Variants in GSG1L observed in about 807,000 individuals in gnomAD.
GSG1L encodes the protein germ cell-specific gene 1-like protein.
Under a neutral mutation model 42.1 loss-of-function variants are expected in GSG1L, and 24 were observed. The ratio of observed to expected loss-of-function variants is 0.57; its 90% CI spans 0.41 to 0.80. The LOEUF is 0.80. GSG1L is among the 30% of genes least tolerant of loss of function. The pLI is 0.00. For synonymous variants in GSG1L, 215 were observed against 203.5 expected (o/e 1.06, Z -0.48); for missense variants, 445 against 472.2 (o/e 0.94, Z 0.53).
At chr16:28,056,608 TAAAGTA>T (rs1244457363) in intron 1 of GSG1L, among the ~76,000 whole-genome samples, 1 of 151,682 alleles carries the variant, frequency 6.6e-6, no homozygotes, top group African/African-American at 2.4e-5. Context: ...CCCTAGAACT[TAAAGTA>T]TAATAAAAAA....
intron 2 of GSG1L, among the ~76,000 whole-genome samples, chr16:27,888,561 TTCTTTCTTTCTTTC>T (rs2084082382): frequency 1.3e-5 from 1 of 78,942 alleles, no homozygotes; most frequent in Non-Finnish European, 2.5e-5. Flanking sequence ...CTTTCTTTCT[TTCTTTCTTTCTTTC>T]TTTCTTTCTC....
intron 3 of GSG1L, among the ~76,000 whole-genome samples, chr16:27,852,899 A>G (rs2083531764): frequency 6.6e-6 from 1 of 151,964 alleles, no homozygotes; most frequent in Admixed American, 6.6e-5. Flanking sequence ...GGGCGCTGAG[A>G]TGCTGGAGGC....
rs899450756 is a variant in GSG1L, at chr16:27,946,503, C to T, written c.397+16653G>A. Among the ~76,000 whole-genome samples, 7 of 147,924 alleles carry T rather than the reference C, an allele frequency of 4.7e-5. No homozygotes were observed. In the East Asian group the frequency reaches 1.4e-3, roughly 30 times the overall value. On this transcript the variant is annotated intron_variant, in intron 2 of 6. Transcript: ENST00000447459. ...GAGGTTGCAGTGAGCCGAAACTGTG[C>T]CATTGCACTCCAGCCTGGGCCACAG...
At chr16:27,900,941 A>C (rs2084249906) in intron 2 of GSG1L, among the ~76,000 whole-genome samples, 1 of 152,136 alleles carries the variant, frequency 6.6e-6, no homozygotes, top group African/African-American at 2.4e-5. Flanking sequence ...CAGCCTGGCC[A>C]AAATGATGAA....
intron 1 of GSG1L, among the ~76,000 whole-genome samples, chr16:27,993,047 G>A (rs969719899): frequency 3.3e-5 from 5 of 152,218 alleles, no homozygotes; most frequent in African/African-American, 1.2e-4. Flanking sequence ...AAGAGGTACT[G>A]TTATTATGCC....
At chr16:27,841,663 T>C (rs2083382921) in intron 4 of GSG1L, among the ~76,000 whole-genome samples, 1 of 152,176 alleles carries the variant, frequency 6.6e-6, no homozygotes, top group South Asian at 2.1e-4. Context: ...ACGGGGCTGA[T>C]CCATCTTGCA....
intron 2 of GSG1L, among the ~76,000 whole-genome samples, chr16:27,903,233 C>T (rs956891157): frequency 2.0e-5 from 3 of 152,072 alleles, no homozygotes; most frequent in Admixed American, 6.5e-5. Context: ...GCTACTTGAT[C>T]CCCAGGCAGC....
chr16:27,815,425 T>C (rs72780173), intron 5 of GSG1L, among the ~76,000 whole-genome samples: 5,434 of 152,284 alleles, frequency 0.036, 195 homozygotes, highest in South Asian at 0.1. Flanking sequence ...CCATGCTTCT[T>C]GTAGAGCCTG....
At chr16:27,820,436 A>C (rs1244780269) in intron 5 of GSG1L, among the ~76,000 whole-genome samples, 1 of 150,792 alleles carries the variant, frequency 6.6e-6, no homozygotes, top group African/African-American at 2.4e-5. Context: ...TCGTGGAGTG[A>C]GGGGGTGGGA....
intron 2 of GSG1L, among the ~76,000 whole-genome samples, chr16:27,938,562 C>T (rs925216510): frequency 2.6e-5 from 4 of 152,116 alleles, no homozygotes; most frequent in Non-Finnish European, 5.9e-5. Context: ...AAAAGCTGTC[C>T]AGGCAGCAGG....
chr16:28,056,371 A>T (rs1433171509), intron 1 of GSG1L, among the ~76,000 whole-genome samples: 1 of 151,026 alleles, frequency 6.6e-6, no homozygotes, highest in Non-Finnish European at 1.5e-5. Flanking sequence ...TATCGCAAGG[A>T]CAAAAAACCA....
At chr16:27,900,822 TAAA>T (rs58590954) in intron 2 of GSG1L, among the ~76,000 whole-genome samples, 6 of 147,316 alleles carry the variant, frequency 4.1e-5, no homozygotes, top group African/African-American at 1.5e-4. Flanking sequence ...ATCAAAACAT[TAAA>T]AAAAAAAAAA....
At chr16:27,987,945 CAAAAAAAAAAA>C (rs56395297) in intron 1 of GSG1L, among the ~76,000 whole-genome samples, 1 of 92,864 alleles carries the variant, frequency 1.1e-5, no homozygotes, top group East Asian at 3.7e-4. Flanking sequence ...GACTCCGTCT[CAAAAAAAAAAA>C]AAAAAAAAAA....
chr16:27,917,810 C>T (rs2084476080), intron 2 of GSG1L, among the ~76,000 whole-genome samples: 1 of 152,170 alleles, frequency 6.6e-6, no homozygotes, highest in East Asian at 1.9e-4. Context: ...GCAGATCTGG[C>T]TTCGGGCACA....
At chr16:27,922,975 A>T (rs2084544370) in intron 2 of GSG1L, among the ~76,000 whole-genome samples, 1 of 151,994 alleles carries the variant, frequency 6.6e-6, no homozygotes, top group Non-Finnish European at 1.5e-5. Context: ...TTTTGTAGAG[A>T]AGGAGTTTCA....
intron 6 of GSG1L, among the ~76,000 whole-genome samples, chr16:27,793,133 T>C (rs1233509590): frequency 6.6e-6 from 1 of 152,240 alleles, no homozygotes; most frequent in Non-Finnish European, 1.5e-5. Flanking sequence ...CCTACTTGCA[T>C]GCCTCTAAGG....
Position 28,022,069 on chromosome 16 carries a change from A to G in GSG1L, c.349+41007T>C, listed in dbSNP as rs537532790. The stretch of plus-strand genomic sequence containing the variant: ...AAAACCAAATAGGCAAAATTATACT[A>G]TATAATATGTTTAGGGTTGTAGGCT... On this transcript the variant is annotated intron_variant, in intron 1 of 6. Coordinates refer to ENST00000447459, the MANE Select transcript of GSG1L (RefSeq NM_001109763.2). 2.0e-5 allele frequency among the ~76,000 whole-genome samples: 3 copies of G among 152,290 alleles called. No homozygotes were observed. In the East Asian group the frequency reaches 5.8e-4, roughly 29 times the overall value.
intron 1 of GSG1L, among the ~76,000 whole-genome samples, chr16:28,001,978 A>G (rs977932167): frequency 6.6e-6 from 1 of 152,142 alleles, no homozygotes; most frequent in Non-Finnish European, 1.5e-5. Context: ...TCTTCCAGCA[A>G]ACCTGGCCAA....
rs1029680190 is a variant in GSG1L, at chr16:27,929,730, C to CTG, written c.397+33424_397+33425dup. ...TTTGGAAAAGTATTAACTGATGCTG[C>CTG]TGTTACTGATACATCTGCCCCATGG... On this transcript the variant is annotated intron_variant, in intron 2 of 6. Transcript: ENST00000447459. 7.4e-4 allele frequency among the ~76,000 whole-genome samples: 112 copies of CTG among 152,272 alleles called. 1 individual carries two copies. Among genetic ancestry groups the CTG allele is most frequent in the Admixed American group, 7.3e-3 (112 of 15,296 alleles).
Sources: gnomAD v4.1 joint callset for allele counts (sites outside exome capture counted in the v4.1 genomes callset) on GRCh38, gnomAD v4.1.1 for gene constraint, MANE v1.5 for transcripts, NCBI Gene and HGNC (gene_info 2026-07-23, HGNC 2026-07-21) for gene names.